COL4A5: variants seen among roughly 807,000 people sequenced by gnomAD.
COL4A5 encodes collagen alpha-5(IV) chain.
COL4A5 carries 26 observed loss-of-function variants against 130.2 expected under a neutral mutation model. The ratio of observed to expected loss-of-function variants is 0.20; its 90% CI spans 0.15 to 0.28. The LOEUF (loss-of-function observed/expected upper bound fraction) is 0.28, where lower values mean the gene tolerates loss of function less well. COL4A5 is among the 10% of genes least tolerant of loss of function. The pLI is 1.00. For missense variants in COL4A5, 1,131 were observed against 1,344.3 expected (o/e 0.84, Z 2.48); for synonymous variants, 496 against 439.6 (o/e 1.13, Z -1.60).
chrX:108,655,941 T>A (rs765101765), intron 37 of COL4A5, among the ~76,000 whole-genome samples: 2 of 112,370 alleles, frequency 1.8e-5, no homozygotes, highest in Non-Finnish European at 3.8e-5. Context: ...TAGATTATTA[T>A]AGTACCTACT....
chrX:108,550,662 C>T (rs760894489), intron 2 of COL4A5, among the ~76,000 whole-genome samples: 1 of 111,792 alleles, frequency 8.9e-6, no homozygotes, highest in East Asian at 2.8e-4. Flanking sequence ...TTCTATTCAA[C>T]ATTGCCAGTA....
intron 1 of COL4A5, among the ~76,000 whole-genome samples, chrX:108,464,121 A>G (rs2064680235): frequency 9.0e-6 from 1 of 111,553 alleles, no homozygotes; most frequent in Admixed American, 9.5e-5. Flanking sequence ...AATTTTCCAC[A>G]GGATCTATAG....
intron 34 of COL4A5, among the ~76,000 whole-genome samples, chrX:108,625,478 TAATTTTTTTTTA>T (rs1299010775): frequency 1.8e-5 from 2 of 112,074 alleles, no homozygotes; most frequent in Non-Finnish European, 3.8e-5. Flanking sequence ...GGTAACTTTT[TAATTTTTTTTTA>T]AAGTTATATT....
chrX:108,658,279 C>T (rs2067884991), intron 37 of COL4A5, among the ~76,000 whole-genome samples: 1 of 111,014 alleles, frequency 9.0e-6, no homozygotes, highest in Non-Finnish European at 1.9e-5. Flanking sequence ...GTAAAAATAA[C>T]CCTGTATTCT....
chrX:108,466,357 G>A (rs778291523), intron 1 of COL4A5, among the ~76,000 whole-genome samples: 1 of 111,238 alleles, frequency 9.0e-6, no homozygotes, highest in Non-Finnish European at 1.9e-5. Context: ...ATTTTACTTC[G>A]CCACCAGCAA....
rs1398351274 is a variant in COL4A5, at chrX:108,440,012, T to A, written c.-114T>A. The A allele has an allele frequency of 1.6e-5, 9 of 558,965 alleles. No individual in the cohort carries two copies. The highest frequency in any genetic ancestry group is 2.8e-5 in the Non-Finnish European group (9 of 326,545). The allele number at this position is 558,965 out of a possible 1,213,427, so 46.1% of individuals were successfully genotyped here. A position where few individuals can be genotyped will look rare whatever the true frequency, so the allele number is the denominator to read the frequency against. ...TTCTTTCTCTTCACCCAAGCCTCAC[T>A]GTCCCTCTCCGGCTCTAGCTCTCTC... On this transcript the variant is annotated 5_prime_UTR_variant, in exon 1 of 53. Transcript: ENST00000328300.
At chrX:108,608,062 C>T (rs1436423844) in intron 29 of COL4A5, among the ~76,000 whole-genome samples, 1 of 111,003 alleles carries the variant, frequency 9.0e-6, no homozygotes, top group East Asian at 2.8e-4. Context: ...CAGATGTGTT[C>T]AGGTATAATA....
At chrX:108,510,609 A>G (rs755168929) in intron 1 of COL4A5, among the ~76,000 whole-genome samples, 2 of 111,571 alleles carry the variant, frequency 1.8e-5, no homozygotes, top group South Asian at 7.5e-4. Context: ...TCGGATGAAT[A>G]TTAAATAAAA....
intron 41 of COL4A5, among the ~76,000 whole-genome samples, chrX:108,668,982 T>TA (rs2068141212): frequency 2.7e-5 from 3 of 111,590 alleles, no homozygotes; most frequent in Non-Finnish European, 5.7e-5. Context: ...CAGGCACAAT[T>TA]AAAAAAATTA....
chrX:108,619,008 T>C (rs1268557592), intron 30 of COL4A5, among the ~76,000 whole-genome samples: 3 of 111,553 alleles, frequency 2.7e-5, no homozygotes, highest in African/African-American at 9.7e-5. Context: ...TTGTGAGCTA[T>C]AATATAACAA....
chrX:108,581,133 A>G, intron 16 of COL4A5, 106 bp downstream of exon 16: 3 of 673,445 alleles, frequency 4.5e-6, no homozygotes, highest in South Asian at 4.7e-5. Context: ...GGGTCTGGAA[A>G]TAGTTTAAAT....
intron 44 of COL4A5, among the ~76,000 whole-genome samples, chrX:108,677,835 G>C (rs1235016028): frequency 8.9e-6 from 1 of 112,196 alleles, no homozygotes; most frequent in African/African-American, 3.2e-5. Context: ...CAGAGTTCCT[G>C]AAAAGATACT....
At position 108,565,984 on chromosome X, in the gene COL4A5, C is replaced by CTT. The variant is rs113282994; in HGVS notation, c.276+2075_276+2076dup. Among the ~76,000 whole-genome samples the CTT allele has an allele frequency of 3.5e-5, 3 of 86,735 alleles. No homozygotes were observed. The East Asian group carries it at 1.1e-3, about 32-fold the overall frequency. The allele number at this position is 86,735 out of a possible 115,157, so 75.3% of individuals were successfully genotyped here. ...GCAGCATGAATATCAGGCTATTCTTCTTTTTTTTTTTTTTTTTTGATGTTA... is the reference window on the plus strand; with the variant it reads ...GCAGCATGAATATCAGGCTATTCTTCTTTTTTTTTTTTTTTTTTTTGATGTTA... On this transcript the variant is annotated intron_variant, in intron 4 of 52. Transcript: ENST00000328300.
chrX:108,583,383 TC>T (rs2066281810), intron 17 of COL4A5, among the ~76,000 whole-genome samples: 1 of 111,704 alleles, frequency 9.0e-6, no homozygotes, highest in Non-Finnish European at 1.9e-5. Flanking sequence ...TGTTGTTTTT[TC>T]CCCCCTACTG....
At chrX:108,690,178 A>T in intron 49 of COL4A5, 2 of 239,266 alleles carry the variant, frequency 8.4e-6, no homozygotes, top group Non-Finnish European at 1.2e-5. Flanking sequence ...TTTTCATTTT[A>T]TACACAAAGA....
chrX:108,602,140 A>C, intron 27 of COL4A5, 151 bp downstream of exon 27: 1 of 421,760 alleles, frequency 2.4e-6, no homozygotes, highest in East Asian at 4.3e-5. Context: ...GTGTATTTTC[A>C]CTGTAAGTTC....
intron 1 of COL4A5, among the ~76,000 whole-genome samples, chrX:108,444,343 C>T (rs1370879419): frequency 3.6e-5 from 4 of 110,047 alleles, no homozygotes; most frequent in Non-Finnish European, 5.7e-5. Flanking sequence ...CCTCAGCCTC[C>T]CAAGTAGCTG....
At chrX:108,548,499 T>C (rs773128039) in intron 2 of COL4A5, among the ~76,000 whole-genome samples, 3 of 110,463 alleles carry the variant, frequency 2.7e-5, no homozygotes, top group Non-Finnish European at 5.7e-5. Flanking sequence ...AATACAAATA[T>C]AAATGGAGTC....
intron 36 of COL4A5, among the ~76,000 whole-genome samples, chrX:108,635,965 G>C (rs1236985681): frequency 8.9e-6 from 1 of 111,762 alleles, no homozygotes; most frequent in African/African-American, 3.3e-5. Context: ...ATAAATTCTG[G>C]GTATTCCCAA....
Sources: gnomAD v4.1 joint callset for allele counts (sites outside exome capture counted in the v4.1 genomes callset) on GRCh38, gnomAD v4.1.1 for gene constraint, MANE v1.5 for transcripts, NCBI Gene and HGNC (gene_info 2026-07-23, HGNC 2026-07-21) for gene names.